CNTLN: variants seen among roughly 807,000 people sequenced by gnomAD.
CNTLN encodes the protein centlein, centrosomal protein.
Under a neutral mutation model 180.0 loss-of-function variants are expected in CNTLN, and 212 were observed. The ratio of observed to expected loss-of-function variants is 1.18; its 90% CI spans 1.05 to 1.32. The LOEUF is 1.32. Among genes scored for constraint, CNTLN ranks in the 40% most tolerant of loss-of-function variants. The probability of loss-of-function intolerance (pLI) is 0.00; values close to 1 mark genes in which losing one functional copy is unlikely to be tolerated. For missense variants in CNTLN, 2,095 were observed against 1,610.9 expected (o/e 1.30, Z -5.14); for synonymous variants, 722 against 563.1 (o/e 1.28, Z -3.99).
intron 14 of CNTLN, among the ~76,000 whole-genome samples, chr9:17,389,701 A>C (rs1019564760): frequency 6.7e-6 from 1 of 148,948 alleles, no homozygotes; most frequent in African/African-American, 2.5e-5. Flanking sequence ...AATAGTAATA[A>C]GATGAAAACA....
At position 17,309,245 on chromosome 9, in the gene CNTLN, C is replaced by G; in HGVS notation, c.1334C>G (p.Ser445Ter). 2 of 1,578,658 alleles carry G rather than the reference C, an allele frequency of 1.3e-6. No homozygotes were observed. The highest frequency in any genetic ancestry group is 2.4e-5 in the South Asian group (2 of 84,734). Residue 445 changes from serine (S) to a stop codon, truncating the protein, a stop_gained, in exon 8 of 26, where the codon TCA becomes TGA. Coordinates refer to ENST00000380647, the MANE Select transcript of CNTLN (RefSeq NM_017738.4). LOFTEE classifies it high-confidence loss of function. ...CCTCAAGAAAGTGATCCAGACTACT[C>G]AGCACAGGTGAGAGACATTTTCTAA... ...PLPQESDPDY[S>*]AQVPHRPSLS...
At chr9:17,331,062 C>T (rs867337877) in intron 9 of CNTLN, among the ~76,000 whole-genome samples, 20 of 151,850 alleles carry the variant, frequency 1.3e-4, no homozygotes, top group African/African-American at 4.6e-4. Flanking sequence ...AGTAAATTAA[C>T]ATTCTTATAT....
At chr9:17,504,140 G>C (rs1833886094), downstream of CNTLN, among the ~76,000 whole-genome samples, 1 of 152,018 alleles carries the variant, frequency 6.6e-6, no homozygotes. Context: ...TGTCAAAACA[G>C]GAAAAGAAGA....
At chr9:17,146,867 T>G (rs541851349) in intron 2 of CNTLN, among the ~76,000 whole-genome samples, 2 of 152,286 alleles carry the variant, frequency 1.3e-5, no homozygotes, top group South Asian at 4.1e-4. Context: ...TCTTTCTGAT[T>G]ATAATTTTTG....
intron 2 of CNTLN, among the ~76,000 whole-genome samples, chr9:17,164,457 GTTTTTTTTTTTTTT>G (rs772109564): frequency 1.5e-5 from 1 of 68,456 alleles, no homozygotes; most frequent in Admixed American, 2.4e-4. Flanking sequence ...TTATTTTTAT[GTTTTTTTTTTTTTT>G]TTTTTTTTTT....
In CNTLN at chr9:17,300,886, A is replaced by G. The variant is rs768564391; in HGVS notation, c.1146+2534A>G. The G allele has an allele frequency of 4.1e-4, 303 of 734,468 alleles. 1 individual carries two copies. Among genetic ancestry groups the G allele is most frequent in the Non-Finnish European group, 4.9e-4 (295 of 602,158 alleles). 45.5% of individuals were successfully genotyped at this position (734,468 alleles called of 1,614,324 possible). On this transcript the variant is annotated intron_variant, in intron 7 of 25. Coordinates refer to ENST00000380647, the MANE Select transcript of CNTLN (RefSeq NM_017738.4). Reference sequence around the variant, plus strand: ...AGGTAATACTTTCTTCCAGTGCCTGAAAGCTTTCCTGCCCAGTTATCTGCA... The same window carrying G: ...AGGTAATACTTTCTTCCAGTGCCTGGAAGCTTTCCTGCCCAGTTATCTGCA...
At chr9:17,489,978 A>AT (rs1215395638) in intron 25 of CNTLN, among the ~76,000 whole-genome samples, 1 of 152,144 alleles carries the variant, frequency 6.6e-6, no homozygotes. Context: ...ACATTGATAT[A>AT]TTTTTTAAAA....
chr9:17,247,611 G>C (rs965354515), intron 5 of CNTLN, among the ~76,000 whole-genome samples: 7 of 152,134 alleles, frequency 4.6e-5, no homozygotes, highest in African/African-American at 7.2e-5. Context: ...GCTCACCTGA[G>C]TTTTGGTTCT....
intron 13 of CNTLN, among the ~76,000 whole-genome samples, chr9:17,379,341 G>A (rs1382155025): frequency 1.3e-5 from 2 of 151,932 alleles, no homozygotes; most frequent in African/African-American, 2.4e-5. Context: ...AGGTTCTCAG[G>A]TCTGTACATC....
intron 18 of CNTLN, among the ~76,000 whole-genome samples, chr9:17,416,412 A>T (rs1828254339): frequency 6.6e-6 from 1 of 152,124 alleles, no homozygotes; most frequent in African/African-American, 2.4e-5. Context: ...AATCTAAAAG[A>T]CACTTTACTA....
At chr9:17,312,369 T>TATTATATATATATATATATATATA (rs1819234266) in intron 8 of CNTLN, among the ~76,000 whole-genome samples, 11 of 34,372 alleles carry the variant, frequency 3.2e-4, no homozygotes, top group East Asian at 1.1e-3. Flanking sequence ...ATATATTATA[T>TATTATATATATATATATATATATA]ATATATATAT....
intron 5 of CNTLN, among the ~76,000 whole-genome samples, chr9:17,273,285 A>G (rs1204588663): frequency 1.3e-5 from 2 of 152,170 alleles, no homozygotes; most frequent in Non-Finnish European, 2.9e-5. Flanking sequence ...CAAACTCTGA[A>G]AAACTTTTTT....
intron 6 of CNTLN, among the ~76,000 whole-genome samples, chr9:17,288,838 T>A (rs985481008): frequency 7.8e-6 from 1 of 128,198 alleles, no homozygotes; most frequent in Non-Finnish European, 1.6e-5. Flanking sequence ...AACCCCTGCC[T>A]TTTTTTGTTT....
intron 1 of CNTLN, among the ~76,000 whole-genome samples, chr9:17,136,244 A>G (rs749670998): frequency 1.3e-5 from 2 of 152,210 alleles, no homozygotes; most frequent in Non-Finnish European, 2.9e-5. Context: ...AACTCACTGA[A>G]CAGTAGATCT....
intron 2 of CNTLN, among the ~76,000 whole-genome samples, chr9:17,163,577 T>C (rs1819834483): frequency 6.6e-6 from 1 of 152,214 alleles, no homozygotes; most frequent in South Asian, 2.1e-4. Flanking sequence ...AGGACCATAT[T>C]GTGCATATTT....
At chr9:17,295,879 A>T (rs1218190645) in intron 6 of CNTLN, among the ~76,000 whole-genome samples, 1 of 152,010 alleles carries the variant, frequency 6.6e-6, no homozygotes, top group Admixed American at 6.6e-5. Flanking sequence ...AGAAAATACC[A>T]TGAGGTGGTA....
Position 17,463,990 on chromosome 9 carries a change from T to C in CNTLN, c.3405-507T>C, listed in dbSNP as rs569680493. 2.6e-5 allele frequency among the ~76,000 whole-genome samples: 4 copies of C among 151,638 alleles called. No homozygotes were observed. In the South Asian group the frequency reaches 6.2e-4, roughly 24 times the overall value. On this transcript the variant is annotated intron_variant, in intron 20 of 25. Transcript: ENST00000380647. ...GGTTCTCACAGCATCTACCATTTTA[T>C]ACTTAATAGTTCATCAACTTATGCT...
At chr9:17,523,980 C>G in the CNTLN span, among the ~76,000 whole-genome samples, 3 of 152,178 alleles carry the variant, frequency 2.0e-5, no homozygotes, top group Non-Finnish European at 4.4e-5. Context: ...GCTTTTTCCT[C>G]TTAGAAACGT....
chr9:17,163,746 G>A (rs991295818), intron 2 of CNTLN, among the ~76,000 whole-genome samples: 2 of 152,146 alleles, frequency 1.3e-5, no homozygotes, highest in Non-Finnish European at 2.9e-5. Context: ...ACATTGATCT[G>A]GCTGGGCACA....
Sources: allele counts gnomAD v4.1 joint callset (sites outside exome capture counted in the v4.1 genomes callset), GRCh38; gene constraint gnomAD v4.1.1; transcripts MANE v1.5; gene names NCBI Gene and HGNC (gene_info 2026-07-23, HGNC 2026-07-21).